AUTS2: variants seen among roughly 807,000 people sequenced by gnomAD.
AUTS2 encodes autism susceptibility gene 2 protein.
In AUTS2, 17 loss-of-function variants were observed where a neutral mutation model predicts 112.4. That is an observed-to-expected ratio of 0.15 (90% CI 0.10 to 0.23). The LOEUF (loss-of-function observed/expected upper bound fraction) is 0.23, where lower values mean the gene tolerates loss of function less well. Ranked by LOEUF, AUTS2 falls within the 10% of genes least tolerant of loss-of-function variation. AUTS2 has a pLI of 1.00. For synonymous variants in AUTS2, 751 were observed against 702.7 expected, an observed-to-expected ratio of 1.07 and a Z score of -1.09; for missense variants, 1,510 against 1,701.6, an observed-to-expected ratio of 0.89 and a Z score of 1.98.
chr7:69,988,752 A>G (rs889315501), intron 2 of AUTS2, among the ~76,000 whole-genome samples: 10 of 152,138 alleles, frequency 6.6e-5, no homozygotes, highest in African/African-American at 1.4e-4. Context: ...ATCCCCCTCT[A>G]ACTAGCTGAT....
intron 5 of AUTS2, among the ~76,000 whole-genome samples, chr7:70,471,184 C>T (rs950900391): frequency 2.0e-5 from 3 of 152,158 alleles, no homozygotes; most frequent in Admixed American, 2.0e-4. Context: ...GAGTAAGTCC[C>T]TTGTCGGATA....
chr7:70,708,147 T>C (rs1406746619), intron 6 of AUTS2, among the ~76,000 whole-genome samples: 1 of 152,184 alleles, frequency 6.6e-6, no homozygotes, highest in African/African-American at 2.4e-5. Flanking sequence ...CTTTCACATC[T>C]CTCAGCAGAG....
chr7:69,776,256 GAT>G lies in AUTS2; in HGVS notation c.310-123027_310-123026del, dbSNP rs35433519. Among the ~76,000 whole-genome samples, 500 of 152,266 alleles carry G rather than the reference GAT, an allele frequency of 3.3e-3. 2 individuals carry two copies. Among genetic ancestry groups the G allele is most frequent in the African/African-American group, 0.012 (481 of 41,542 alleles). The stretch of plus-strand genomic sequence containing the variant: ...CGTAATACTTGAACAATTTGCACAT[GAT>G]ATCTATCTCTACATCCTATATGGAC... On this transcript the variant is annotated intron_variant, in intron 1 of 18. Coordinates refer to ENST00000342771, the MANE Select transcript of AUTS2 (RefSeq NM_015570.4).
intron 2 of AUTS2, among the ~76,000 whole-genome samples, chr7:69,914,370 C>CACACACAG (rs1554403928): frequency 1.4e-5 from 2 of 146,580 alleles, no homozygotes; most frequent in African/African-American, 5.3e-5. Flanking sequence ...CACACACACA[C>CACACACAG]ACACACACAC....
chr7:70,496,473 A>ACG (rs1798514589), intron 5 of AUTS2, among the ~76,000 whole-genome samples: 1 of 132,584 alleles, frequency 7.5e-6, no homozygotes, highest in Non-Finnish European at 1.6e-5. Context: ...AGTCACACAC[A>ACG]CACACACCCC....
intron 2 of AUTS2, among the ~76,000 whole-genome samples, chr7:69,922,205 G>T (rs910336069): frequency 4.6e-5 from 7 of 152,180 alleles, no homozygotes; most frequent in South Asian, 2.1e-4. Flanking sequence ...TTTCATGCAC[G>T]CAGTCTGTGA....
intron 5 of AUTS2, among the ~76,000 whole-genome samples, chr7:70,697,570 C>A (rs546386771): frequency 7.0e-6 from 1 of 142,720 alleles, no homozygotes; most frequent in South Asian, 2.5e-4. Context: ...TCCCCCCCCC[C>A]ATTTCCTATA....
At chr7:69,889,892 T>A (rs1045497017) in intron 1 of AUTS2, among the ~76,000 whole-genome samples, 1 of 152,288 alleles carries the variant, frequency 6.6e-6, no homozygotes, top group Admixed American at 6.5e-5. Flanking sequence ...TATCTTCTGT[T>A]GTATGGTTCT....
At position 70,737,594 on chromosome 7, in the gene AUTS2, C is replaced by T. The variant is rs533894967; in HGVS notation, c.743-25276C>T. ...AAGCCCCTCTCCAACCTAATTTTACCGAAATGTGTTGGTTTCCCCTTTCCT... is the reference window on the plus strand; with the variant it reads ...AAGCCCCTCTCCAACCTAATTTTACTGAAATGTGTTGGTTTCCCCTTTCCT... On this transcript the variant is annotated intron_variant, in intron 6 of 18. Coordinates refer to ENST00000342771, the MANE Select transcript of AUTS2 (RefSeq NM_015570.4). Among the ~76,000 whole-genome samples, 46 of 152,150 alleles carry T rather than the reference C, an allele frequency of 3.0e-4. 1 individual carries two copies. Among genetic ancestry groups the T allele is most frequent in the Non-Finnish European group, 4.4e-5 (3 of 68,022 alleles).
chr7:70,033,608 A>T (rs903823962), intron 2 of AUTS2, among the ~76,000 whole-genome samples: 8 of 152,200 alleles, frequency 5.3e-5, no homozygotes, highest in Admixed American at 5.2e-4. Context: ...TAAGGAGAGA[A>T]TGTTGAAACC....
chr7:69,849,039 A>G (rs2129529548), intron 1 of AUTS2, among the ~76,000 whole-genome samples: 1 of 152,274 alleles, frequency 6.6e-6, no homozygotes, highest in Non-Finnish European at 1.5e-5. Flanking sequence ...AAAATTAGCC[A>G]GTTGTGGTGG....
chr7:70,439,150 A>T (rs1796017405), intron 5 of AUTS2, among the ~76,000 whole-genome samples: 1 of 152,258 alleles, frequency 6.6e-6, no homozygotes, highest in Non-Finnish European at 1.5e-5. Flanking sequence ...AAAGGCTTTG[A>T]TGAGACACTG....
intron 2 of AUTS2, among the ~76,000 whole-genome samples, chr7:69,973,506 C>A (rs1202595398): frequency 6.6e-6 from 1 of 152,058 alleles, no homozygotes; most frequent in Non-Finnish European, 1.5e-5. Flanking sequence ...TTGTCTTGTT[C>A]CTGATATTTG....
At chr7:70,506,871 G>A (rs1798985903) in intron 5 of AUTS2, among the ~76,000 whole-genome samples, 1 of 152,238 alleles carries the variant, frequency 6.6e-6, no homozygotes, top group South Asian at 2.1e-4. Flanking sequence ...TCTGGGCCAT[G>A]TGGAGTCCCC....
intron 4 of AUTS2, among the ~76,000 whole-genome samples, chr7:70,158,296 CAGTT>C (rs372868018): frequency 2.6e-4 from 39 of 152,192 alleles, no homozygotes; most frequent in East Asian, 2.5e-3. Flanking sequence ...ATAGCTCACT[CAGTT>C]AGTTTTGTGG....
chr7:69,888,117 C>T (rs1465603443), intron 1 of AUTS2, among the ~76,000 whole-genome samples: 2 of 151,964 alleles, frequency 1.3e-5, no homozygotes, highest in Non-Finnish European at 2.9e-5. Flanking sequence ...AGAGACCAAC[C>T]TGAGAAACAT....
chr7:70,080,819 A>G lies in AUTS2; in HGVS notation c.523-37313A>G, dbSNP rs116495909. 8.9e-4 allele frequency among the ~76,000 whole-genome samples: 135 copies of G among 152,340 alleles called. 2 individuals carry two copies. The highest frequency in any genetic ancestry group is 3.2e-3 in the African/African-American group (132 of 41,584). On this transcript the variant is annotated intron_variant, in intron 2 of 18. Coordinates refer to ENST00000342771, the MANE Select transcript of AUTS2 (RefSeq NM_015570.4). ...ATGGAATATGAAGTCAGGATTTTAA[A>G]TGCCACCAACTGTCGAACACTTAAA...
chr7:69,631,799 G>A (rs913540419), intron 1 of AUTS2, among the ~76,000 whole-genome samples: 11 of 152,172 alleles, frequency 7.2e-5, no homozygotes, highest in Admixed American at 3.9e-4. Flanking sequence ...TATTAAGAAA[G>A]AACATCTTTA....
At chr7:70,249,377 A>C (rs1813093804) in intron 4 of AUTS2, among the ~76,000 whole-genome samples, 1 of 152,172 alleles carries the variant, frequency 6.6e-6, no homozygotes, top group Non-Finnish European at 1.5e-5. Context: ...ACATGTGGCC[A>C]GTGGCTACCA....
Sources: gnomAD v4.1 joint callset for allele counts (sites outside exome capture counted in the v4.1 genomes callset) on GRCh38, gnomAD v4.1.1 for gene constraint, MANE v1.5 for transcripts, NCBI Gene and HGNC (gene_info 2026-07-23, HGNC 2026-07-21) for gene names.